Variants in CPVL observed in about 807,000 individuals in gnomAD.
The protein encoded by CPVL is probable serine carboxypeptidase CPVL.
A neutral mutation model predicts 63.7 loss-of-function variants in CPVL; 51 were observed. The observed-to-expected ratio is 0.80, with a 90% CI of 0.64 to 1.01. CPVL has a LOEUF of 1.01. Ranked by LOEUF, CPVL falls within the 50% of genes least tolerant of loss-of-function variation. The pLI, the probability that CPVL is intolerant of heterozygous loss-of-function variation, is 0.00. For synonymous variants in CPVL, 195 were observed against 206.0 expected, an observed-to-expected ratio of 0.95 and a Z score of 0.46; for missense variants, 530 against 573.1, an observed-to-expected ratio of 0.92 and a Z score of 0.77.
chr7:29,118,902 A>C (rs1466386432), intron 2 of CPVL, among the ~76,000 whole-genome samples: 1 of 152,160 alleles, frequency 6.6e-6, no homozygotes, highest in Non-Finnish European at 1.5e-5. Flanking sequence ...CCTGTGTGCC[A>C]GATCCCTGTC....
intron 12 of CPVL, among the ~76,000 whole-genome samples, chr7:29,020,892 C>G (rs1056189731): frequency 6.6e-6 from 1 of 152,160 alleles, no homozygotes; most frequent in Non-Finnish European, 1.5e-5. Context: ...GATGATGTTA[C>G]AGGCCGAGCG....
intron 1 of CPVL, among the ~76,000 whole-genome samples, chr7:29,135,565 C>G (rs185366171): frequency 6.6e-5 from 10 of 152,062 alleles, no homozygotes; most frequent in African/African-American, 9.7e-5. Flanking sequence ...AACTCCTGAC[C>G]TCGTGATCCA....
At chr7:29,012,948 C>T (rs1055738290) in intron 12 of CPVL, 7 of 152,180 alleles carry the variant, frequency 4.6e-5, no homozygotes, top group Non-Finnish European at 7.3e-5. Flanking sequence ...GGTTGAGACA[C>T]ATTGGTTTAG....
intron 12 of CPVL, among the ~76,000 whole-genome samples, chr7:29,019,949 G>A (rs1275627261): frequency 6.6e-6 from 1 of 152,126 alleles, no homozygotes; most frequent in Non-Finnish European, 1.5e-5. Context: ...TTTGTTACTT[G>A]TTTTTTTGGC....
intron 1 of CPVL, among the ~76,000 whole-genome samples, chr7:29,190,961 G>A (rs1584662896): frequency 2.0e-5 from 3 of 151,796 alleles, no homozygotes; most frequent in Admixed American, 1.3e-4. Context: ...CTGAGACAGG[G>A]CCTCACTCTG....
intron 5 of CPVL, 52 bp from the exon 6 acceptor site, chr7:29,092,754 G>T: frequency 7.8e-7 from 1 of 1,280,498 alleles, no homozygotes; most frequent in South Asian, 1.2e-5. Context: ...ACATGCCTTA[G>T]GGACCTGCAG....
At chr7:29,145,769 C>T (rs1257264058) in intron 1 of CPVL, 1 of 152,074 alleles carries the variant, frequency 6.6e-6, no homozygotes, top group Non-Finnish European at 1.5e-5. Flanking sequence ...ATAATTTGCC[C>T]GAGGTCACTC....
chr7:29,009,011 G>T (rs1309048398), intron 12 of CPVL: 2 of 151,840 alleles, frequency 1.3e-5, no homozygotes. Context: ...AATTGAAAAG[G>T]TGCTAAGGGA....
chr7:29,143,488 T>C (rs1792120629), intron 1 of CPVL, among the ~76,000 whole-genome samples: 2 of 152,206 alleles, frequency 1.3e-5, no homozygotes, highest in African/African-American at 2.4e-5. Context: ...AATAAATAAA[T>C]GAGAAAATGA....
In CPVL at chr7:29,108,376, T is replaced by C. The variant is rs191482139; in HGVS notation, c.288+4328A>G. The stretch of plus-strand genomic sequence containing the variant: ...GCTATTTTTTTTCCAATGAGAAGGA[T>C]GCTGACTTTAAAGAGTAATAATCTC... On this transcript the variant is annotated intron_variant, in intron 3 of 12. Coordinates refer to ENST00000265394, the MANE Select transcript of CPVL (RefSeq NM_031311.5). Among the ~76,000 whole-genome samples, 525 of 152,346 alleles carry C rather than the reference T, an allele frequency of 3.4e-3. 5 individuals carry two copies. The highest frequency in any genetic ancestry group is 0.012 in the African/African-American group (479 of 41,582).
chr7:29,186,727 G>A (rs1798762208), intron 1 of CPVL, among the ~76,000 whole-genome samples: 1 of 151,818 alleles, frequency 6.6e-6, no homozygotes, highest in African/African-American at 2.4e-5. Flanking sequence ...GTCTCAAACA[G>A]GAAAATACTT....
intron 11 of CPVL, among the ~76,000 whole-genome samples, chr7:29,041,742 A>T (rs2128164631): frequency 6.6e-6 from 1 of 152,324 alleles, no homozygotes; most frequent in South Asian, 2.1e-4. Context: ...TATTATAAGC[A>T]CTTAAAATGT....
At chr7:29,144,176 C>T (rs1372199430) in intron 1 of CPVL, among the ~76,000 whole-genome samples, 3 of 152,122 alleles carry the variant, frequency 2.0e-5, no homozygotes, top group African/African-American at 7.2e-5. Context: ...GTTCTTAGTT[C>T]AGTCAATGAA....
intron 2 of CPVL, among the ~76,000 whole-genome samples, chr7:29,115,701 A>T (rs1295068855): frequency 6.6e-6 from 1 of 152,140 alleles, no homozygotes; most frequent in East Asian, 1.9e-4. Context: ...TGAGATGTGG[A>T]CCACAGAGAG....
chr7:29,051,539 C>G (rs538792604), intron 11 of CPVL, among the ~76,000 whole-genome samples: 2 of 152,266 alleles, frequency 1.3e-5, no homozygotes, highest in African/African-American at 4.8e-5. Flanking sequence ...ATTAAAACCA[C>G]CATGCGATAC....
chr7:29,069,152 T>C lies in CPVL; in HGVS notation c.864+2621A>G, dbSNP rs866210268. On this transcript the variant is annotated intron_variant, in intron 9 of 12. Coordinates refer to ENST00000265394, the MANE Select transcript of CPVL (RefSeq NM_031311.5). ...TGCTTTTAGAAAGAGTTAAAAGTCA[T>C]TTGTTGGCCAGGCATGGTGGCTCAC... Among the ~76,000 whole-genome samples, 5 of 151,926 alleles carry C rather than the reference T, an allele frequency of 3.3e-5. No homozygotes were observed. The Middle Eastern group carries it at 0.01, about 310-fold the overall frequency.
At chr7:29,022,809 C>T (rs988341725) in intron 12 of CPVL, among the ~76,000 whole-genome samples, 2 of 152,242 alleles carry the variant, frequency 1.3e-5, no homozygotes, top group Admixed American at 6.5e-5. Flanking sequence ...AATATGCCTG[C>T]CCTGCACATC....
intron 7 of CPVL, among the ~76,000 whole-genome samples, chr7:29,085,750 C>T (rs1219004320): frequency 1.3e-5 from 2 of 152,200 alleles, no homozygotes; most frequent in Non-Finnish European, 2.9e-5. Context: ...CTTCATGTGC[C>T]TCCTGATGTG....
At chr7:29,187,278 A>G (rs1418604954) in intron 1 of CPVL, among the ~76,000 whole-genome samples, 3 of 152,006 alleles carry the variant, frequency 2.0e-5, no homozygotes, top group Admixed American at 2.0e-4. Context: ...TTCTCACCCA[A>G]TGGGACTGGG....
Sources: allele counts gnomAD v4.1 joint callset (sites outside exome capture counted in the v4.1 genomes callset), GRCh38; gene constraint gnomAD v4.1.1; transcripts MANE v1.5; gene names NCBI Gene and HGNC (gene_info 2026-07-23, HGNC 2026-07-21).